Variants in MROH7 observed in about 807,000 individuals in gnomAD.
MROH7 encodes the protein maestro heat-like repeat-containing protein family member 7.
Under a neutral mutation model 129.2 loss-of-function variants are expected in MROH7, and 113 were observed. The observed-to-expected ratio is 0.87, with a 90% CI of 0.75 to 1.02. The LOEUF is 1.02. Among genes scored for constraint, MROH7 ranks in the 50% least tolerant of loss-of-function variants. The pLI is 0.00. For synonymous variants in MROH7, 655 were observed against 667.9 expected, an observed-to-expected ratio of 0.98 and a Z score of 0.30; for missense variants, 1,601 against 1,671.3, an observed-to-expected ratio of 0.96 and a Z score of 0.73.
At chr1:54,696,727 A>T (rs544900715) in intron 17 of MROH7, among the ~76,000 whole-genome samples, 1 of 121,932 alleles carries the variant, frequency 8.2e-6, no homozygotes, top group East Asian at 2.6e-4. Flanking sequence ...GTTGGAGTGC[A>T]GTGGCGTGAT....
chr1:54,697,436 G>T (rs922817589), intron 17 of MROH7: 2 of 459,340 alleles, frequency 4.4e-6, no homozygotes, highest in Non-Finnish European at 7.8e-6. Context: ...AACAAATACT[G>T]CAGGTCACCA....
intron 4 of MROH7, among the ~76,000 whole-genome samples, chr1:54,666,042 G>GC (rs1173330882): frequency 2.0e-5 from 3 of 152,188 alleles, no homozygotes; most frequent in Non-Finnish European, 4.4e-5. Flanking sequence ...ACTCATTCCT[G>GC]CCCCAGGGCC....
chr1:54,692,354 C>T lies in MROH7; in HGVS notation c.2712-70C>T, dbSNP rs546564819. On this transcript the variant is annotated intron_variant, in intron 15 of 23. Transcript: ENST00000421030. Reference sequence around the variant, plus strand: ...TGTCGGGCCAGATGGCAGGAGAGGCCGGGGTGGAGGGAGGCTTGGCCTGCT... The same window carrying T: ...TGTCGGGCCAGATGGCAGGAGAGGCTGGGGTGGAGGGAGGCTTGGCCTGCT... The T allele has an allele frequency of 1.0e-4, 165 of 1,584,532 alleles. No homozygotes were observed. In the African/African-American group the frequency reaches 1.9e-3, roughly 18 times the overall value.
chr1:54,665,122 A>G, intron 3 of MROH7, 45 bp from the exon 4 acceptor site: 1 of 1,473,956 alleles, frequency 6.8e-7, no homozygotes, highest in Non-Finnish European at 9.5e-7. Flanking sequence ...CATCCTAGGT[A>G]CATCACAGCT....
chr1:54,709,156 G>A, intron 23 of MROH7, 80 bp downstream of exon 23: 1 of 1,343,432 alleles, frequency 7.4e-7, no homozygotes, highest in Non-Finnish European at 1.1e-6. Context: ...CAGGGAAAGG[G>A]AAGGGATGTG....
rs528938913 is a variant in MROH7, at chr1:54,646,072, G to A, written c.-110+4104G>A. Reference sequence around the variant, plus strand: ...TTTGCTTCATTTTTCTGGTATTGCCGGGGCTCCTGTTTATTCCTGCTGGTG... The same window carrying A: ...TTTGCTTCATTTTTCTGGTATTGCCAGGGCTCCTGTTTATTCCTGCTGGTG... On this transcript the variant is annotated intron_variant, in intron 1 of 23. Transcript: ENST00000421030. Among the ~76,000 whole-genome samples, 8 of 152,282 alleles carry A rather than the reference G, an allele frequency of 5.3e-5. No homozygotes were observed. The East Asian group carries it at 5.8e-4, about 11-fold the overall frequency.
At chr1:54,699,099 T>C (rs1003522229) in intron 17 of MROH7, 1 of 33,622 alleles carries the variant, frequency 3.0e-5, no homozygotes, top group Non-Finnish European at 6.7e-5. Context: ...TGGCCTTTTC[T>C]TTCTTTCTTT....
Position 54,652,968 on chromosome 1 carries a change from C to T in MROH7, c.42C>T (p.Asp14=), listed in dbSNP as rs747784387. 1.2e-6 allele frequency: 2 copies of T among 1,612,192 alleles called. No individual in the cohort carries two copies. Among genetic ancestry groups the T allele is most frequent in the Middle Eastern group, 1.7e-4 (1 of 6,046 alleles). Residue 14 remains aspartate (D), a synonymous_variant, in exon 3 of 24, where the codon GAC becomes GAT. Transcript: ENST00000421030. The stretch of plus-strand genomic sequence containing the variant: ...GGGCTAACCTGGTCTTCCATGAAGA[C>T]CCAAAGATGACACCAAGTCCCCCCT... ...SPGANLVFHE[D]PKMTPSPPSC...
intron 10 of MROH7, among the ~76,000 whole-genome samples, chr1:54,677,239 A>T (rs1293655671): frequency 6.6e-6 from 1 of 152,148 alleles, no homozygotes; most frequent in African/African-American, 2.4e-5. Flanking sequence ...TCTCTACTAA[A>T]AATACAAAAA....
intron 1 of MROH7, among the ~76,000 whole-genome samples, chr1:54,648,120 GT>G (rs1644496994): frequency 6.6e-6 from 1 of 150,424 alleles, no homozygotes. Flanking sequence ...CTGGGCTCAA[GT>G]GATCCTCCCA....
At chr1:54,709,220 T>G (rs1645585183) in intron 23 of MROH7, 144 bp downstream of exon 23, 2 of 761,864 alleles carry the variant, frequency 2.6e-6, no homozygotes, top group South Asian at 3.4e-5. Context: ...TTTGTTTGTT[T>G]GTTTGTTTGT....
Position 54,674,344 on chromosome 1 carries a change from A to G in MROH7, c.1936+193A>G, listed in dbSNP as rs951019292. 4.6e-5 allele frequency among the ~76,000 whole-genome samples: 7 copies of G among 152,210 alleles called. No individual in the cohort carries two copies. In the South Asian group the frequency reaches 8.3e-4, roughly 18 times the overall value. ...CAGAGAACCAGGGGACAAAGGCTAC[A>G]AACAAAACTATTTTGATTTAAGCAA... On this transcript the variant is annotated intron_variant, in intron 10 of 23. Coordinates refer to ENST00000421030, the MANE Select transcript of MROH7 (RefSeq NM_001039464.4).
rs545400465 is a variant in MROH7 at position 54,701,323 on chromosome 1, G to A, written c.3285+1G>A. 1.7e-4 allele frequency: 276 copies of A among 1,585,220 alleles called. 4 individuals are homozygous for A. The South Asian group carries it at 3.0e-3, about 17-fold the overall frequency. ...GATCCTGCTGCCGCACTTCAGCGAC[G>A]TGAGGACCTCACAGAGCGAAGGAGC... On this transcript the variant is annotated splice_donor_variant, in intron 19 of 23. Coordinates refer to ENST00000421030, the MANE Select transcript of MROH7 (RefSeq NM_001039464.4). LOFTEE classifies it high-confidence loss of function.
rs116168851 is a variant in MROH7 at position 54,677,092 on chromosome 1, C to A, written c.1937-1650C>A. ...CTGGGCGCAAGTGAACCATCTGCCT[C>A]GGCCTCCAAAGTGCTGGGATTACAG... On this transcript the variant is annotated intron_variant, in intron 10 of 23. Transcript: ENST00000421030. Among the ~76,000 whole-genome samples, 895 of 151,948 alleles carry A rather than the reference C, an allele frequency of 5.9e-3. 26 individuals are homozygous for A. In the East Asian group the frequency reaches 0.083, roughly 14 times the overall value.
chr1:54,697,037 C>T (rs1645335125), intron 17 of MROH7, among the ~76,000 whole-genome samples: 1 of 152,120 alleles, frequency 6.6e-6, no homozygotes, highest in African/African-American at 2.4e-5. Context: ...TTTTCTTTAT[C>T]CATTTGTCTG....
Position 54,701,274 on chromosome 1 carries a change from T to G in MROH7, c.3237T>G (p.Ser1079Arg). ...GGCGGGACCAGAAGCTGATGGACAGTGCGGTCTATGTGGAGATGCTGCAGA... is the reference window on the plus strand; with the variant it reads ...GGCGGGACCAGAAGCTGATGGACAGGGCGGTCTATGTGGAGATGCTGCAGA... ...FKGRDQKLMD[S>R]AVYVEMLQIL... Residue 1079 changes from serine (S) to arginine (R), a missense_variant, in exon 19 of 24, where the codon AGT becomes AGG. Transcript: ENST00000421030. The G allele has an allele frequency of 6.2e-7, 1 of 1,612,148 alleles. No homozygotes were observed. Among genetic ancestry groups the G allele is most frequent in the Non-Finnish European group, 8.5e-7 (1 of 1,178,744 alleles).
intron 5 of MROH7, among the ~76,000 whole-genome samples, chr1:54,670,009 A>C (rs2664062): frequency 0.025 from 2,913 of 115,450 alleles, 160 homozygotes; most frequent in East Asian, 0.15. Flanking sequence ...ATGTCAAAAA[A>C]AAAAAAAAAA....
intron 16 of MROH7, 31 bp downstream of exon 16, chr1:54,692,592 TGGGA>T: frequency 7.3e-7 from 1 of 1,362,148 alleles, no homozygotes; most frequent in Non-Finnish European, 1.0e-6. Flanking sequence ...GGGGTTGGGG[TGGGA>T]GGGAGAAAGA....
intron 15 of MROH7, 83 bp from the exon 16 acceptor site, chr1:54,692,341 T>C (rs1645252944): frequency 6.4e-7 from 1 of 1,560,730 alleles, no homozygotes; most frequent in Non-Finnish European, 8.7e-7. Context: ...TCGGGCCAGA[T>C]GGCAGGAGAG....
Sources: gnomAD v4.1 joint callset for allele counts (sites outside exome capture counted in the v4.1 genomes callset) on GRCh38, gnomAD v4.1.1 for gene constraint, MANE v1.5 for transcripts, NCBI Gene and HGNC (gene_info 2026-07-23, HGNC 2026-07-21) for gene names.